FRY: variants seen among roughly 807,000 people sequenced by gnomAD.
FRY encodes protein furry homolog.
In FRY, 128 loss-of-function variants were observed where a neutral mutation model predicts 348.4. The ratio of observed to expected loss-of-function variants is 0.37; its 90% CI spans 0.32 to 0.43. FRY has a LOEUF of 0.43. Ranked by LOEUF, FRY falls within the 20% of genes least tolerant of loss-of-function variation. The probability of loss-of-function intolerance (pLI) is 1.00; values close to 1 mark genes in which losing one functional copy is unlikely to be tolerated. For synonymous variants in FRY, 1,370 were observed against 1,374.7 expected (o/e 1.00, Z 0.08); for missense variants, 2,736 against 3,695.2 (o/e 0.74, Z 6.73).
intron 2 of FRY, among the ~76,000 whole-genome samples, chr13:32,099,160 A>C (rs1413105810): frequency 6.6e-6 from 1 of 152,042 alleles, no homozygotes; most frequent in East Asian, 1.9e-4. Context: ...TGCATTGGCC[A>C]AAGTAAAACT....
At position 32,237,726 on chromosome 13, in the gene FRY, A is replaced by G; in HGVS notation, c.6158A>G (p.Glu2053Gly). The G allele has an allele frequency of 6.2e-7, 1 of 1,614,170 alleles. No individual in the cohort carries two copies. Among genetic ancestry groups the G allele is most frequent in the Non-Finnish European group, 8.5e-7 (1 of 1,180,036 alleles). The stretch of plus-strand genomic sequence containing the variant: ...TTCTGGGTCACAGTGGCCTTGATGG[A>G]GTCTGATTTTGAGTTTGAATACTTA... The part of the protein sequence containing the change: ...TIFWVTVALM[E>G]SDFEFEYLMA... Residue 2053 changes from glutamate to glycine, a missense_variant, in exon 44 of 61, where the codon GAG becomes GGG. Glu to Gly is a moderately conservative substitution (Grantham distance 98). Transcript: ENST00000542859. The surrounding 1 kb of genome is among the most constrained non-coding windows in gnomAD (Gnocchi z 6.3).
At chr13:32,214,478 CT>C (rs2138373119) in intron 35 of FRY, among the ~76,000 whole-genome samples, 1 of 152,284 alleles carries the variant, frequency 6.6e-6, no homozygotes, top group Admixed American at 6.5e-5. Flanking sequence ...AGCTCATCAG[CT>C]ATTGTGTTAG....
chr13:32,131,939 T>G, intron 8 of FRY, 99 bp downstream of exon 8: 1 of 911,228 alleles, frequency 1.1e-6, no homozygotes, highest in Non-Finnish European at 1.8e-6. Context: ...TACTTGTCAA[T>G]ACGGAGAAAC....
intron 2 of FRY, among the ~76,000 whole-genome samples, chr13:32,079,345 T>G (rs1011053686): frequency 1.3e-5 from 2 of 152,174 alleles, no homozygotes; most frequent in Admixed American, 1.3e-4. Context: ...AAAATTGTGT[T>G]CAGAGTCTCT....
intron 16 of FRY, among the ~76,000 whole-genome samples, chr13:32,158,951 CAA>C (rs35585320): frequency 0.11 from 3,607 of 32,724 alleles, 50 homozygotes; most frequent in South Asian, 0.15. Context: ...GCTGTTTCCT[CAA>C]AAAAAAAAAA....
At chr13:32,193,160 C>G (rs56725521) in intron 28 of FRY, among the ~76,000 whole-genome samples, 1 of 150,238 alleles carries the variant, frequency 6.7e-6, no homozygotes, top group East Asian at 1.9e-4. Flanking sequence ...CAGGCATCAT[C>G]GATTCAGCAT....
At chr13:32,249,944 G>T (rs551967480) in intron 49 of FRY, among the ~76,000 whole-genome samples, 55 of 152,278 alleles carry the variant, frequency 3.6e-4, no homozygotes, top group African/African-American at 1.2e-3. Context: ...AATAAAATCT[G>T]GTCTCTCTTT....
Position 32,103,472 on chromosome 13 carries a change from C to T in FRY, c.324+1456C>T, listed in dbSNP as rs558666812. On this transcript the variant is annotated intron_variant, in intron 3 of 60. Coordinates refer to ENST00000542859, the MANE Select transcript of FRY (RefSeq NM_023037.3). The stretch of plus-strand genomic sequence containing the variant: ...ATTGAACAATGAGAACACATGGACA[C>T]AGGAAGGGGAACATCACACACCAGG... Among the ~76,000 whole-genome samples the T allele has an allele frequency of 2.6e-5, 4 of 152,226 alleles. No individual in the cohort carries two copies. The South Asian group carries it at 8.3e-4, about 32-fold the overall frequency.
intron 27 of FRY, 131 bp from the exon 28 acceptor site, chr13:32,187,415 A>G (rs1292861880): frequency 1.5e-6 from 1 of 679,630 alleles, no homozygotes; most frequent in Non-Finnish European, 2.7e-6. Context: ...TTTAAAAATC[A>G]TGGGGAAATA....
intron 36 of FRY, among the ~76,000 whole-genome samples, chr13:32,219,754 G>A (rs934740809): frequency 4.6e-5 from 7 of 152,034 alleles, no homozygotes. Context: ...AAATGTTGGC[G>A]GTTCAACATT....
chr13:32,135,855 C>T (rs1453761706), intron 10 of FRY, among the ~76,000 whole-genome samples: 4 of 152,140 alleles, frequency 2.6e-5, no homozygotes, highest in African/African-American at 4.8e-5. Context: ...GGATGAGCAT[C>T]CCTACCATGA....
At chr13:32,170,347 G>A (rs935017520) in intron 17 of FRY, among the ~76,000 whole-genome samples, 2 of 152,158 alleles carry the variant, frequency 1.3e-5, no homozygotes, top group African/African-American at 4.8e-5. Flanking sequence ...GACATCATTG[G>A]AAAACCGGTG....
chr13:32,267,441 T>C, intron 55 of FRY, 82 bp downstream of exon 55: 1 of 1,220,572 alleles, frequency 8.2e-7, no homozygotes, highest in Non-Finnish European at 1.2e-6. Flanking sequence ...AGGTTGTTCT[T>C]CTGTTCTGGG....
Position 32,297,008 on chromosome 13 carries a change from C to T in FRY, c.*1548C>T, listed in dbSNP as rs757111603. On this transcript the variant is annotated 3_prime_UTR_variant, in exon 61 of 61. Coordinates refer to ENST00000542859, the MANE Select transcript of FRY (RefSeq NM_023037.3). ...AGAGTTGTAATTCTGTCACCAACAC[C>T]TATCCCCCAGGAACACAGGGAGAAA... 3 of 152,208 alleles carry T rather than the reference C, an allele frequency of 2.0e-5. No individual in the cohort carries two copies. The highest frequency in any genetic ancestry group is 4.4e-5 in the Non-Finnish European group (3 of 68,038). 9.4% of individuals were successfully genotyped at this position (152,208 alleles called of 1,614,324 possible). A position where few individuals can be genotyped will look rare whatever the true frequency, so the allele number is the denominator to read the frequency against.
Position 32,043,330 on chromosome 13 carries a change from C to T in FRY, c.70+11465C>T, listed in dbSNP as rs575275795. Among the ~76,000 whole-genome samples, 14 of 152,258 alleles carry T rather than the reference C, an allele frequency of 9.2e-5. No homozygotes were observed. In the East Asian group the frequency reaches 1.7e-3, roughly 19 times the overall value. On this transcript the variant is annotated intron_variant, in intron 1 of 60. Coordinates refer to ENST00000542859, the MANE Select transcript of FRY (RefSeq NM_023037.3). ...GTGGGGACACAGCCAAACCATATCA[C>T]GGTAGATGACTATTATTAGAAACTC...
chr13:32,267,186 A>G lies in FRY; in HGVS notation c.7963A>G (p.Arg2655Gly). Residue 2655 changes from arginine to glycine, a missense_variant, in exon 55 of 61, where the codon AGG becomes GGG. This residue lies in a region of FRY where 789 missense variants were observed against 996.2 expected (regional missense o/e 0.79). Coordinates refer to ENST00000542859, the MANE Select transcript of FRY (RefSeq NM_023037.3). The part of the protein sequence containing the change: ...FTLASFGEGD[R>G]GVSPPPSPFF... ...TTTTTCCAGCTTTGGAGAAGGTGAC[A>G]GGGGAGTCTCTCCCCCTCCCTCGCC... 2 of 1,613,614 alleles carry G rather than the reference A, an allele frequency of 1.2e-6. No individual in the cohort carries two copies. Among genetic ancestry groups the G allele is most frequent in the Non-Finnish European group, 8.5e-7 (1 of 1,179,460 alleles).
At chr13:32,260,207 C>T (rs565139010) in intron 51 of FRY, among the ~76,000 whole-genome samples, 1 of 152,286 alleles carries the variant, frequency 6.6e-6, no homozygotes, top group South Asian at 2.1e-4. Flanking sequence ...TTAACAGTAA[C>T]TCACATCTCT....
intron 35 of FRY, among the ~76,000 whole-genome samples, chr13:32,215,887 A>G (rs1164458278): frequency 6.6e-6 from 1 of 152,246 alleles, no homozygotes; most frequent in Non-Finnish European, 1.5e-5. Context: ...TTTTCAATAT[A>G]TCAATCTTAA....
chr13:32,273,716 G>A (rs754979202), intron 55 of FRY, among the ~76,000 whole-genome samples: 2 of 152,172 alleles, frequency 1.3e-5, no homozygotes, highest in Admixed American at 1.3e-4. Flanking sequence ...GTCTCAAGGA[G>A]CTCTGATCTT....
Sources: allele counts gnomAD v4.1 joint callset (sites outside exome capture counted in the v4.1 genomes callset), GRCh38; gene constraint gnomAD v4.1.1; regional missense constraint gnomAD v4.1.1; non-coding constraint Gnocchi (gnomAD v3.1); transcripts MANE v1.5; gene names NCBI Gene and HGNC (gene_info 2026-07-23, HGNC 2026-07-21).